PTPRN2: variants seen among roughly 807,000 people sequenced by gnomAD.
The protein encoded by PTPRN2 is receptor-type tyrosine-protein phosphatase N2.
A neutral mutation model predicts 118.8 loss-of-function variants in PTPRN2; 74 were observed. That is an observed-to-expected ratio of 0.62 (90% CI 0.52 to 0.76). The LOEUF (loss-of-function observed/expected upper bound fraction) is 0.76. Ranked by LOEUF, PTPRN2 falls within the 30% of genes least tolerant of loss-of-function variation. The probability of loss-of-function intolerance (pLI) is 0.00; values close to 1 mark genes in which losing one functional copy is unlikely to be tolerated. For missense variants in PTPRN2, 1,481 were observed against 1,394.4 expected (o/e 1.06, Z -0.99); for synonymous variants, 641 against 608.0 (o/e 1.05, Z -0.80).
chr7:157,622,313 G>A lies in PTPRN2; in HGVS notation c.2197-804C>T, dbSNP rs1803302980. 6.6e-6 allele frequency among the ~76,000 whole-genome samples: 1 copy of A among 151,976 alleles called. No individual in the cohort carries two copies. Among genetic ancestry groups the A allele is most frequent in the South Asian group, 2.1e-4 (1 of 4,826 alleles). On this transcript the variant is annotated intron_variant, in intron 14 of 22. Coordinates refer to ENST00000389418, the MANE Select transcript of PTPRN2 (RefSeq NM_002847.5). The surrounding 1 kb of genome is among the most constrained non-coding windows in gnomAD (Gnocchi z 5.3). ...TGTCATGTGTAGACACAGGTTCCAA[G>A]TGTGTCCACACGAGAAAATAAAGCA...
Position 158,292,619 on chromosome 7 carries a change from G to A in PTPRN2, c.277+24200C>T, listed in dbSNP as rs149033370. ...TACGCACCCCCAGATGGGACAGCCC[G>A]CCACACACCTGGGCTGGATGGTAAA... On this transcript the variant is annotated intron_variant, in intron 3 of 22. Transcript: ENST00000389418. Among the ~76,000 whole-genome samples, 1,075 of 152,324 alleles carry A rather than the reference G, an allele frequency of 7.1e-3. 17 individuals are homozygous for A. Among genetic ancestry groups the A allele is most frequent in the South Asian group, 7.0e-3 (34 of 4,828 alleles).
At chr7:158,086,088 T>A (rs1390710383) in intron 10 of PTPRN2, among the ~76,000 whole-genome samples, 1 of 152,212 alleles carries the variant, frequency 6.6e-6, no homozygotes. Context: ...TGTGAAATTC[T>A]TCGTGGCTCC....
intron 1 of PTPRN2, among the ~76,000 whole-genome samples, chr7:158,496,052 A>G (rs751989789): frequency 6.6e-6 from 1 of 151,816 alleles, no homozygotes; most frequent in Non-Finnish European, 1.5e-5. Flanking sequence ...GGGCAGCAGG[A>G]GACAGCGCTC....
At chr7:157,654,965 C>A (rs1805973813) in intron 14 of PTPRN2, among the ~76,000 whole-genome samples, 2 of 152,130 alleles carry the variant, frequency 1.3e-5, no homozygotes, top group African/African-American at 2.4e-5. Context: ...CTAAAAGGGA[C>A]AAATGTCAAA....
intron 10 of PTPRN2, among the ~76,000 whole-genome samples, chr7:158,097,668 TCAC>T (rs1814746170): frequency 6.6e-6 from 1 of 152,062 alleles, no homozygotes; most frequent in Non-Finnish European, 1.5e-5. Flanking sequence ...CTGGCATCGA[TCAC>T]CGCCGCCGCA....
rs1209432745 is a variant in PTPRN2, at chr7:157,987,109, C to T, written c.1724-88372G>A. On this transcript the variant is annotated intron_variant, in intron 11 of 22. Coordinates refer to ENST00000389418, the MANE Select transcript of PTPRN2 (RefSeq NM_002847.5). The surrounding 1 kb of genome is among the most constrained non-coding windows in gnomAD (Gnocchi z 4.3). ...GTGGGGAATGAGCCCGTGAAGGTCA[C>T]AGCCAGCCATGAAACAGCTGCACTG... is the stretch of plus-strand genomic sequence containing the variant. 2.6e-5 allele frequency among the ~76,000 whole-genome samples: 4 copies of T among 152,194 alleles called. No individual in the cohort carries two copies. Among genetic ancestry groups the T allele is most frequent in the African/African-American group, 9.6e-5 (4 of 41,452 alleles).
At chr7:158,188,330 CCCTGATGGGGAAGGCCGCCACGCTCGCCG>C (rs1825409921) in intron 5 of PTPRN2, among the ~76,000 whole-genome samples, 3 of 94,760 alleles carry the variant, frequency 3.2e-5, no homozygotes, top group Non-Finnish European at 6.2e-5. Context: ...CACGCTCGCC[CCCTGATGGGGAAGGCCGCCACGCTCGCCG>C]CCTGATGGGG....
chr7:158,369,959 G>A (rs1354746825), intron 2 of PTPRN2, among the ~76,000 whole-genome samples: 13 of 152,154 alleles, frequency 8.5e-5, no homozygotes, highest in Non-Finnish European at 1.2e-4. Flanking sequence ...TGGTCTCAGC[G>A]GGCAGGAGGC....
At chr7:158,441,081 CTGG>C (rs1817065608) in intron 2 of PTPRN2, among the ~76,000 whole-genome samples, 1 of 113,026 alleles carries the variant, frequency 8.8e-6, no homozygotes, top group African/African-American at 3.8e-5. Context: ...GATGGTGGTG[CTGG>C]TGGTAGTGAT....
In PTPRN2 at chr7:158,570,578, C is replaced by A. The variant is rs1586961170; in HGVS notation, c.112+16980G>T. On this transcript the variant is annotated intron_variant, in intron 1 of 22. Coordinates refer to ENST00000389418, the MANE Select transcript of PTPRN2 (RefSeq NM_002847.5). This position sits in a 1 kb window ranked among gnomAD's most constrained non-coding sequence, Gnocchi z 4.5. ...AAGCCTCTCCCTGTGTCCTCCGTGC[C>A]CCCCGAGTGGCCTGCTAGCCCGCTC... Among the ~76,000 whole-genome samples the A allele has an allele frequency of 6.6e-6, 1 of 152,180 alleles. No individual in the cohort carries two copies. Among genetic ancestry groups the A allele is most frequent in the Non-Finnish European group, 1.5e-5 (1 of 68,036 alleles).
At chr7:157,873,343 G>A (rs1261340756) in intron 12 of PTPRN2, among the ~76,000 whole-genome samples, 2 of 152,384 alleles carry the variant, frequency 1.3e-5, no homozygotes, top group East Asian at 1.9e-4. Flanking sequence ...GATGGGATAC[G>A]CTTCCCAGTT....
Position 157,846,282 on chromosome 7 carries a change from TA to T in PTPRN2, c.1788+52390del, listed in dbSNP as rs368428527. ...TTTGCATCCTAGGAAATTAAAGAGG[TA>T]AAAAAACCCATCTGGAAAACCAAGA... On this transcript the variant is annotated intron_variant, in intron 12 of 22. Coordinates refer to ENST00000389418, the MANE Select transcript of PTPRN2 (RefSeq NM_002847.5). 4.3e-3 allele frequency among the ~76,000 whole-genome samples: 653 copies of T among 150,876 alleles called. 6 individuals are homozygous for T. Among genetic ancestry groups the T allele is most frequent in the African/African-American group, 0.015 (616 of 41,034 alleles).
chr7:158,480,176 G>A (rs151013095), intron 2 of PTPRN2, among the ~76,000 whole-genome samples: 182 of 152,286 alleles, frequency 1.2e-3, no homozygotes, highest in African/African-American at 4.2e-3. Flanking sequence ...CCCTATGGAG[G>A]AGTCCATCGG....
Position 157,617,994 on chromosome 7 carries a change from T to C in PTPRN2, c.2344+3368A>G, listed in dbSNP as rs1802900903. The C allele has an allele frequency of 6.6e-6, 1 of 152,278 alleles. No individual in the cohort carries two copies. Among genetic ancestry groups the C allele is most frequent in the Admixed American group, 6.5e-5 (1 of 15,292 alleles). 9.4% of individuals were successfully genotyped at this position (152,278 alleles called of 1,614,324 possible). A position where few individuals can be genotyped will look rare whatever the true frequency, so the allele number is the denominator to read the frequency against. On this transcript the variant is annotated intron_variant, in intron 15 of 22. Coordinates refer to ENST00000389418, the MANE Select transcript of PTPRN2 (RefSeq NM_002847.5). The surrounding 1 kb of genome is among the most constrained non-coding windows in gnomAD (Gnocchi z 7.5). ...AGCGAAATGCTGCATAATTCTTTTT[T>C]AAACATTCAAAAAACAGAAAATGCA...
chr7:158,422,547 C>T (rs1651660333), intron 2 of PTPRN2, among the ~76,000 whole-genome samples: 1 of 152,222 alleles, frequency 6.6e-6, no homozygotes, highest in South Asian at 2.1e-4. Flanking sequence ...AAAAAGAAAC[C>T]CTGTAGTCCA....
chr7:157,778,346 T>A (rs576470280), intron 12 of PTPRN2, among the ~76,000 whole-genome samples: 3 of 150,648 alleles, frequency 2.0e-5, no homozygotes, highest in African/African-American at 7.3e-5. Context: ...GTACATGTGA[T>A]TACAGTTGTT....
At chr7:157,568,988 T>A in intron 20 of PTPRN2, 22 bp from the exon 21 acceptor site, 1 of 1,538,858 alleles carries the variant, frequency 6.5e-7, no homozygotes, top group Non-Finnish European at 9.0e-7. Context: ...AGGAGAGAAA[T>A]GAAAGTGCTG....
rs1353304166 is a variant in PTPRN2, at chr7:157,785,921, G to GT, written c.1789-102985dup. Among the ~76,000 whole-genome samples, 3 of 152,132 alleles carry GT rather than the reference G, an allele frequency of 2.0e-5. No homozygotes were observed. The highest frequency in any genetic ancestry group is 1.3e-4 in the Admixed American group (2 of 15,278). On this transcript the variant is annotated intron_variant, in intron 12 of 22. Transcript: ENST00000389418. This position sits in a 1 kb window ranked among gnomAD's most constrained non-coding sequence, Gnocchi z 7.3. Reference sequence around the variant, plus strand: ...CGTGTTCACCAGCCTGCTCACCTGGGTAGCAGGGTGGGAGGGCCGGGTGGG... The same window carrying GT: ...CGTGTTCACCAGCCTGCTCACCTGGGTTAGCAGGGTGGGAGGGCCGGGTGGG...
At chr7:158,392,378 C>T (rs1444692453) in intron 2 of PTPRN2, among the ~76,000 whole-genome samples, 1 of 152,198 alleles carries the variant, frequency 6.6e-6, no homozygotes, top group Non-Finnish European at 1.5e-5. Context: ...CACAGGGCAA[C>T]CCCAAGTGTT....
Sources: allele counts gnomAD v4.1 joint callset (sites outside exome capture counted in the v4.1 genomes callset), GRCh38; gene constraint gnomAD v4.1.1; non-coding constraint Gnocchi (gnomAD v3.1); transcripts MANE v1.5; gene names NCBI Gene and HGNC (gene_info 2026-07-23, HGNC 2026-07-21).